The following C10orf90 variants were observed in gnomAD, a reference collection of about 807,000 sequenced individuals.
C10orf90 encodes chromosome 10 open reading frame 90.
Under a neutral mutation model 62.5 loss-of-function variants are expected in C10orf90, and 56 were observed. The observed-to-expected ratio is 0.90, with a 90% CI of 0.72 to 1.12. C10orf90 has a LOEUF of 1.12. Among genes scored for constraint, C10orf90 ranks in the 50% most tolerant of loss-of-function variants. C10orf90 has a pLI of 0.00. For missense variants in C10orf90, 970 were observed against 880.4 expected (o/e 1.10, Z -1.29); for synonymous variants, 386 against 340.4 (o/e 1.13, Z -1.47).
chr10:126,467,876 G>C (rs1276994063), intron 4 of C10orf90, among the ~76,000 whole-genome samples: 1 of 152,074 alleles, frequency 6.6e-6, no homozygotes, highest in African/African-American at 2.4e-5. Flanking sequence ...TTACCTCCTA[G>C]ATTAAGAATT....
chr10:126,573,327 C>T (rs1018322985), intron 2 of C10orf90, among the ~76,000 whole-genome samples: 10 of 152,324 alleles, frequency 6.6e-5, no homozygotes, highest in African/African-American at 2.2e-4. Flanking sequence ...ATAACATAAC[C>T]GATTAGGTCA....
chr10:126,637,131 C>G (rs534457667), intron 2 of C10orf90, among the ~76,000 whole-genome samples: 6 of 152,030 alleles, frequency 3.9e-5, no homozygotes, highest in Admixed American at 6.5e-5. Context: ...CAGAGGTTAG[C>G]GTTCTTGTTC....
At chr10:126,439,726 G>A (rs1858178888) in intron 7 of C10orf90, among the ~76,000 whole-genome samples, 1 of 152,124 alleles carries the variant, frequency 6.6e-6, no homozygotes. Context: ...GAAAGAGCCT[G>A]TGAATTCAAA....
chr10:126,609,476 G>T (rs953226573), intron 2 of C10orf90, among the ~76,000 whole-genome samples: 1 of 152,228 alleles, frequency 6.6e-6, no homozygotes, highest in African/African-American at 2.4e-5. Flanking sequence ...GATGCTGGCT[G>T]TCACTGCTTT....
intron 2 of C10orf90, among the ~76,000 whole-genome samples, chr10:126,626,848 C>G (rs1845752748): frequency 6.6e-6 from 1 of 152,210 alleles, no homozygotes; most frequent in Admixed American, 6.5e-5. Flanking sequence ...GTCAAAACTT[C>G]TCAACTCTTC....
chr10:126,527,767 C>T (rs1023032592), intron 2 of C10orf90, among the ~76,000 whole-genome samples: 10 of 152,130 alleles, frequency 6.6e-5, no homozygotes, highest in African/African-American at 9.7e-5. Flanking sequence ...GCCCTTAGCA[C>T]GCTGCCTGGC....
chr10:126,428,684 C>T (rs1480112305), intron 8 of C10orf90, among the ~76,000 whole-genome samples: 18 of 152,176 alleles, frequency 1.2e-4, no homozygotes, highest in South Asian at 8.3e-4. Flanking sequence ...TGCAAGGCTC[C>T]GTAATGGTGG....
At chr10:126,514,129 G>T (rs573058437) in intron 2 of C10orf90, among the ~76,000 whole-genome samples, 190 bp from the exon 3 acceptor site, 2 of 152,052 alleles carry the variant, frequency 1.3e-5, no homozygotes, top group South Asian at 4.2e-4. Flanking sequence ...AACCTCTCTG[G>T]GTTCGTTATT....
At chr10:126,638,702 A>G (rs1174220703) in intron 2 of C10orf90, among the ~76,000 whole-genome samples, 1 of 152,112 alleles carries the variant, frequency 6.6e-6, no homozygotes, top group Non-Finnish European at 1.5e-5. Flanking sequence ...AAGCTCCCCC[A>G]GCCAAACAGC....
intron 2 of C10orf90, among the ~76,000 whole-genome samples, chr10:126,644,887 T>A (rs542706689): frequency 1.3e-5 from 2 of 152,336 alleles, no homozygotes; most frequent in East Asian, 3.9e-4. Context: ...GCCTTTGCTG[T>A]TCAGACCACA....
Position 126,490,016 on chromosome 10 carries a change from TATATAATATATAATA to T in C10orf90, c.1534+13926_1534+13940del, listed in dbSNP as rs1861651118. 3.9e-5 allele frequency among the ~76,000 whole-genome samples: 2 copies of T among 51,150 alleles called. 1 individual carries two copies. Among genetic ancestry groups the T allele is most frequent in the African/African-American group, 1.9e-4 (2 of 10,306 alleles). The allele number at this position is 51,150 out of a possible 152,430, so 33.6% of individuals were successfully genotyped here. A position where few individuals can be genotyped will look rare whatever the true frequency, so the allele number is the denominator to read the frequency against. ...TATATATTATATATTATATATATTA[TATATAATATATAATA>T]TATAATATATATTATATATTATGTT... On this transcript the variant is annotated intron_variant, in intron 4 of 9. Transcript: ENST00000488181.
At chr10:126,623,522 ATC>A (rs1845686116) in intron 2 of C10orf90, among the ~76,000 whole-genome samples, 1 of 151,944 alleles carries the variant, frequency 6.6e-6, no homozygotes, top group African/African-American at 2.4e-5. Context: ...TTCTACCTTG[ATC>A]TCTCTCTTTC....
At chr10:126,618,449 T>C (rs1381628954) in intron 2 of C10orf90, among the ~76,000 whole-genome samples, 1 of 152,208 alleles carries the variant, frequency 6.6e-6, no homozygotes, top group Non-Finnish European at 1.5e-5. Flanking sequence ...ATCCTTATTC[T>C]CAAGAAGTCC....
chr10:126,461,199 G>A (rs1369604669), intron 6 of C10orf90, among the ~76,000 whole-genome samples: 1 of 152,164 alleles, frequency 6.6e-6, no homozygotes, highest in African/African-American at 2.4e-5. Flanking sequence ...CTAACCTGGA[G>A]GAGTCAGTGT....
intron 4 of C10orf90, among the ~76,000 whole-genome samples, chr10:126,484,623 C>T (rs1861332439): frequency 2.0e-5 from 3 of 152,146 alleles, no homozygotes; most frequent in African/African-American, 7.2e-5. Context: ...AATGGCAGCG[C>T]ACATTACCAC....
intron 1 of C10orf90, among the ~76,000 whole-genome samples, chr10:126,658,011 C>T (rs1277258769): frequency 6.6e-6 from 1 of 152,166 alleles, no homozygotes; most frequent in Admixed American, 6.5e-5. Flanking sequence ...CCTCACCACC[C>T]CATTGACATA....
At chr10:126,521,572 C>T in intron 2 of C10orf90, 1 of 757,326 alleles carries the variant, frequency 1.3e-6, no homozygotes, top group Non-Finnish European at 1.9e-6. Context: ...TTCTTGTTAG[C>T]AGCAATCGTC....
At chr10:126,613,323 C>T (rs899682528) in intron 2 of C10orf90, among the ~76,000 whole-genome samples, 4 of 152,142 alleles carry the variant, frequency 2.6e-5, no homozygotes, top group Non-Finnish European at 5.9e-5. Context: ...GAGGCTTGAC[C>T]TCCTGGCATC....
chr10:126,480,757 T>C (rs1280456302), intron 4 of C10orf90, among the ~76,000 whole-genome samples: 1 of 152,192 alleles, frequency 6.6e-6, no homozygotes, highest in Non-Finnish European at 1.5e-5. Flanking sequence ...AAGCACTAAT[T>C]CTGCATAACT....
Sources: gnomAD v4.1 joint callset for allele counts (sites outside exome capture counted in the v4.1 genomes callset) on GRCh38, gnomAD v4.1.1 for gene constraint, MANE v1.5 for transcripts, NCBI Gene and HGNC (gene_info 2026-07-23, HGNC 2026-07-21) for gene names.